Variants in SLC10A2 observed in about 807,000 individuals in gnomAD.
SLC10A2 encodes the protein ileal sodium/bile acid cotransporter.
A neutral mutation model predicts 27.1 loss-of-function variants in SLC10A2; 34 were observed. The observed-to-expected ratio is 1.26, with a 90% CI of 0.96 to 1.67. SLC10A2 has a LOEUF of 1.67. SLC10A2 is among the 40% of genes most tolerant of loss of function. SLC10A2 has a pLI of 0.00. For missense variants in SLC10A2, 530 were observed against 444.4 expected, an observed-to-expected ratio of 1.19 and a Z score of -1.73; for synonymous variants, 205 against 174.0, an observed-to-expected ratio of 1.18 and a Z score of -1.40.
chr13:103,050,630 A>G (rs981508863), intron 4 of SLC10A2, among the ~76,000 whole-genome samples: 5 of 152,218 alleles, frequency 3.3e-5, no homozygotes, highest in African/African-American at 9.6e-5. Flanking sequence ...TCTGCCTTGT[A>G]AGCCGAATGG....
chr13:103,049,310 A>G lies in SLC10A2; in HGVS notation c.898T>C (p.Phe300Leu), dbSNP rs756788859. The G allele has an allele frequency of 7.4e-6, 12 of 1,613,794 alleles. No homozygotes were observed. In the African/African-American group the frequency reaches 8.0e-5, roughly 11 times the overall value. The change falls in exon 5 of 6, where the codon TTT becomes CTT. Residue 300 changes from phenylalanine to leucine, a missense_variant. Phe to Leu is a conservative substitution (Grantham distance 22). Transcript: ENST00000245312. Reference protein sequence around the residue: ...PLIYSIFQLAFAAIFLGFYVA... With the variant: ...PLIYSIFQLALAAIFLGFYVA... Reference sequence around the variant, plus strand: ...TTACATCCTAAGAATATTGCGGCAAAGGCGAGCTGGAAAATGCTGTAGATG... The same window carrying G: ...TTACATCCTAAGAATATTGCGGCAAGGGCGAGCTGGAAAATGCTGTAGATG...
chr13:103,060,751 G>C (rs1876092303), intron 1 of SLC10A2, among the ~76,000 whole-genome samples: 1 of 152,156 alleles, frequency 6.6e-6, no homozygotes, highest in East Asian at 1.9e-4. Context: ...GAAACTTAGA[G>C]AAATGAGAAA....
At position 103,049,325 on chromosome 13, in the gene SLC10A2, T is replaced by A; in HGVS notation, c.883A>T (p.Ile295Phe). 1 of 1,613,936 alleles carries A rather than the reference T, an allele frequency of 6.2e-7. No individual in the cohort carries two copies. The highest frequency in any genetic ancestry group is 8.5e-7 in the Non-Finnish European group (1 of 1,179,894). The change falls in exon 5 of 6, where the codon ATT becomes TTT. Residue 295 changes from isoleucine (I) to phenylalanine (F), a missense_variant. Transcript: ENST00000245312. ...VVFTFPLIYS[I>F]FQLAFAAIFL... ...ATTGCGGCAAAGGCGAGCTGGAAAA[T>A]GCTGTAGATGAGCGGGAAGGTGAAT...
chr13:103,051,250 G>A lies in SLC10A2; in HGVS notation c.761+7C>T. Reference sequence around the variant, plus strand: ...AAATTCCCAATGTGATTTACTAAATGCCATACCTGTACCAGGGTAGACCAG... The same window carrying A: ...AAATTCCCAATGTGATTTACTAAATACCATACCTGTACCAGGGTAGACCAG... On this transcript the variant is annotated splice_region_variant and intron_variant, in intron 4 of 5. Coordinates refer to ENST00000245312, the MANE Select transcript of SLC10A2 (RefSeq NM_000452.3). 1.2e-6 allele frequency: 2 copies of A among 1,613,378 alleles called. No individual in the cohort carries two copies. The highest frequency in any genetic ancestry group is 2.2e-5 in the East Asian group (1 of 44,868).
chr13:103,061,551 T>C (rs1180780906), intron 1 of SLC10A2, among the ~76,000 whole-genome samples: 1 of 152,160 alleles, frequency 6.6e-6, no homozygotes, highest in Non-Finnish European at 1.5e-5. Context: ...GGAAGTCTTT[T>C]TCTGTCTTTG....
chr13:103,046,250 T>A lies in SLC10A2; in HGVS notation c.930A>T (p.Ala310=). 1.2e-6 allele frequency: 2 copies of A among 1,612,448 alleles called. No individual in the cohort carries two copies. The highest frequency in any genetic ancestry group is 1.7e-6 in the Non-Finnish European group (2 of 1,178,724). ...FAAIFLGFYV[A]YKKCHGKNKA... ...TGTTTTTTCCATGACATTTCTTGTA[T>A]GCCACATAAACTAGAAAACAATACA... is the stretch of plus-strand genomic sequence containing the variant. Residue 310 remains alanine, a synonymous_variant, in exon 6 of 6, where the codon GCA becomes GCT. Transcript: ENST00000245312.
intron 2 of SLC10A2, among the ~76,000 whole-genome samples, chr13:103,057,892 A>G (rs157380): frequency 0.44 from 66,736 of 151,190 alleles, 15,152 homozygotes; most frequent in Non-Finnish European, 0.5. Flanking sequence ...AAAAAAAAAA[A>G]TTTCTTCAAT....
intron 1 of SLC10A2, among the ~76,000 whole-genome samples, chr13:103,060,732 T>C (rs1876091526): frequency 2.0e-5 from 3 of 152,152 alleles, no homozygotes; most frequent in Admixed American, 6.5e-5. Context: ...TTCCACCAAA[T>C]AGAATCGGGA....
Position 103,051,832 on chromosome 13 carries a change from G to T in SLC10A2, c.586-400C>A, listed in dbSNP as rs929297065. 2.6e-5 allele frequency among the ~76,000 whole-genome samples: 4 copies of T among 152,236 alleles called. No homozygotes were observed. In the East Asian group the frequency reaches 7.7e-4, roughly 29 times the overall value. ...TGTAGTTTCTTTATTTGTAATTGGG[G>T]ATAAAATGTCGCCCCAGCTTCCCTT... On this transcript the variant is annotated intron_variant, in intron 3 of 5. Transcript: ENST00000245312.
At chr13:103,047,224 T>C (rs1288441377) in intron 5 of SLC10A2, among the ~76,000 whole-genome samples, 3 of 152,288 alleles carry the variant, frequency 2.0e-5, no homozygotes, top group Non-Finnish European at 1.5e-5. Flanking sequence ...AATGTTAACG[T>C]TCATTATGAT....
chr13:103,061,678 G>A (rs1876124943), intron 1 of SLC10A2, among the ~76,000 whole-genome samples: 1 of 152,010 alleles, frequency 6.6e-6, no homozygotes, highest in South Asian at 2.1e-4. Flanking sequence ...TCGTGATGAG[G>A]GACAAAAGAG....
intron 1 of SLC10A2, 97 bp downstream of exon 1, chr13:103,065,776 G>C: frequency 1.5e-6 from 2 of 1,376,600 alleles, no homozygotes; most frequent in Non-Finnish European, 2.1e-6. Context: ...TCATACTTTA[G>C]ATGCGTGGCA....
rs1304019317 is a variant in SLC10A2 at position 103,045,108 on chromosome 13, TTAAGC to T, written c.*1020_*1024del. On this transcript the variant is annotated 3_prime_UTR_variant, in exon 6 of 6. Transcript: ENST00000245312. ...CTCCTGCACATCTAATTGACTCTAG[TTAAGC>T]ATTTCAACCAGGTTTCTGTTACTTG... The T allele has an allele frequency of 2.7e-5, 2 of 72,974 alleles. No individual in the cohort carries two copies. The highest frequency in any genetic ancestry group is 5.4e-5 in the Non-Finnish European group (2 of 36,910). 4.5% of individuals were successfully genotyped at this position (72,974 alleles called of 1,614,324 possible).
intron 1 of SLC10A2, among the ~76,000 whole-genome samples, chr13:103,058,793 C>A (rs1260757469): frequency 6.6e-6 from 1 of 152,154 alleles, no homozygotes; most frequent in Non-Finnish European, 1.5e-5. Flanking sequence ...TGATCTAGTC[C>A]ATTTTTATGG....
At chr13:103,061,372 G>C (rs990550789) in intron 1 of SLC10A2, among the ~76,000 whole-genome samples, 1 of 147,840 alleles carries the variant, frequency 6.8e-6, no homozygotes, top group Non-Finnish European at 1.5e-5. Flanking sequence ...TATTAGAATG[G>C]ATTTAAAGTT....
At chr13:103,050,128 G>A (rs950356933) in intron 4 of SLC10A2, among the ~76,000 whole-genome samples, 26 of 152,128 alleles carry the variant, frequency 1.7e-4, no homozygotes, top group African/African-American at 4.6e-4. Context: ...CAGCCTGGGC[G>A]ACAGAATGAG....
Position 103,065,052 on chromosome 13 carries a change from G to A in SLC10A2, c.377+821C>T, listed in dbSNP as rs141932798. ...ACCTGGATGGTTTGCAGAAGGAAATGCATACCTTTCAAGGGAAATGAGGAA... is the reference window on the plus strand; with the variant it reads ...ACCTGGATGGTTTGCAGAAGGAAATACATACCTTTCAAGGGAAATGAGGAA... On this transcript the variant is annotated intron_variant, in intron 1 of 5. Coordinates refer to ENST00000245312, the MANE Select transcript of SLC10A2 (RefSeq NM_000452.3). 7.2e-4 allele frequency among the ~76,000 whole-genome samples: 110 copies of A among 152,324 alleles called. 1 individual carries two copies. In the Middle Eastern group the frequency reaches 0.014, roughly 19 times the overall value.
At chr13:103,049,215 T>C in intron 5 of SLC10A2, 74 bp downstream of exon 5, 2 of 1,539,278 alleles carry the variant, frequency 1.3e-6, no homozygotes, top group Non-Finnish European at 9.0e-7. Flanking sequence ...CGGGGAGTTT[T>C]AAAAAAATGT....
At position 103,046,183 on chromosome 13, in the gene SLC10A2, C is replaced by G. The variant is rs1875604927; in HGVS notation, c.997G>C (p.Glu333Gln). ...CCATTTGCCTTATAAAACGATGACT[C>G]TGGCTCCGTTCCATTTTCTTTGCTC... ...PESKENGTEP[E>Q]SSFYKANGGF... The change falls in exon 6 of 6, where the codon GAG (glutamate) becomes CAG (glutamine). Residue 333 changes from glutamate to glutamine, a missense_variant. By Grantham distance (29) the Glu-to-Gln change is conservative. Coordinates refer to ENST00000245312, the MANE Select transcript of SLC10A2 (RefSeq NM_000452.3). 1 of 1,613,976 alleles carries G rather than the reference C, an allele frequency of 6.2e-7. No homozygotes were observed. The highest frequency in any genetic ancestry group is 8.5e-7 in the Non-Finnish European group (1 of 1,179,884).
Sources: allele counts gnomAD v4.1 joint callset (sites outside exome capture counted in the v4.1 genomes callset), GRCh38; gene constraint gnomAD v4.1.1; transcripts MANE v1.5; gene names NCBI Gene and HGNC (gene_info 2026-07-23, HGNC 2026-07-21).